ELP5: variants seen among roughly 807,000 people sequenced by gnomAD.
ELP5 encodes elongator acetyltransferase complex subunit 5.
Under a neutral mutation model 33.4 loss-of-function variants are expected in ELP5, and 34 were observed. The observed-to-expected ratio is 1.02, with a 90% CI of 0.78 to 1.36. ELP5 has a LOEUF of 1.36. Among genes scored for constraint, ELP5 ranks in the 40% most tolerant of loss-of-function variants. ELP5 has a pLI of 0.00. For missense variants in ELP5, 373 were observed against 371.7 expected (o/e 1.00, Z -0.03); for synonymous variants, 161 against 146.4 (o/e 1.10, Z -0.72).
chr17:7,252,137 C>G (rs901534331), upstream of ELP5: 2 of 353,282 alleles, frequency 5.7e-6, no homozygotes, highest in Non-Finnish European at 1.1e-5. Flanking sequence ...ATTGCGCACG[C>G]GCAGAAGGTG....
At chr17:7,258,789 G>A (rs2072141869) in intron 6 of ELP5, 37 bp from the exon 7 acceptor site, 3 of 1,614,166 alleles carry the variant, frequency 1.9e-6, no homozygotes, top group South Asian at 1.1e-5. Flanking sequence ...GGGATTCTAG[G>A]GATGGGGCAG....
intron 5 of ELP5, 117 bp downstream of exon 5, chr17:7,257,155 G>A: frequency 8.8e-7 from 1 of 1,141,564 alleles, no homozygotes; most frequent in Non-Finnish European, 1.2e-6. Flanking sequence ...AACTTTTTTA[G>A]AGATGGGGTT....
chr17:7,252,677 A>G, intron 1 of ELP5, 81 bp downstream of exon 1: 1 of 1,605,622 alleles, frequency 6.2e-7, no homozygotes, highest in Non-Finnish European at 8.5e-7. Context: ...AGGAAGGGCC[A>G]GGGGTCACAG....
In ELP5 at chr17:7,252,919, G is replaced by T. The variant is rs1255575227; in HGVS notation, c.109G>T (p.Gly37Trp). The T allele has an allele frequency of 1.9e-6, 3 of 1,614,218 alleles. No homozygotes were observed. The highest frequency in any genetic ancestry group is 2.5e-6 in the Non-Finnish European group (3 of 1,180,032). Residue 37 changes from glycine to tryptophan, a missense_variant and splice_region_variant, in exon 3 of 8, where the codon GGG becomes TGG. Transcript: ENST00000396628. ...KALVKKSALC[G>W]EQVHILGCEV... ...AATCCCTTCTCATCTCTGCCTTAGTGGGGAGCAAGTGCATATCCTGGGCTG... is the reference window on the plus strand; with the variant it reads ...AATCCCTTCTCATCTCTGCCTTAGTTGGGAGCAAGTGCATATCCTGGGCTG...
intron 7 of ELP5, 189 bp downstream of exon 7, chr17:7,259,115 C>T (rs911349945): frequency 5.5e-5 from 79 of 1,442,904 alleles, no homozygotes; most frequent in Non-Finnish European, 6.6e-5. Flanking sequence ...TCTCTTTTCT[C>T]TCCCTTATAC....
rs763723534 is a variant in ELP5, at chr17:7,252,567, T to C, written c.17T>C (p.Leu6Ser). 1 of 1,613,470 alleles carries C rather than the reference T, an allele frequency of 6.2e-7. No homozygotes were observed. The highest frequency in any genetic ancestry group is 8.5e-7 in the Non-Finnish European group (1 of 1,179,882). Residue 6 changes from leucine (L) to serine (S), a missense_variant, in exon 1 of 8, where the codon TTG (leucine) becomes TCG (serine). Coordinates refer to ENST00000396628, the MANE Select transcript of ELP5 (RefSeq NM_203414.3). ...GAGTTGGAGATGTTGGACTCGCTGT[T>C]GGCCTTGGGCGGCCTGGTGCTGCTT... MLDSLLALGGLVLLRD... is the reference protein window; with the variant it reads MLDSLSALGGLVLLRD...
intron 3 of ELP5, 43 bp downstream of exon 3, chr17:7,253,041 T>A: frequency 1.3e-6 from 2 of 1,588,498 alleles, no homozygotes; most frequent in Non-Finnish European, 1.7e-6. Context: ...TTGAGACCTA[T>A]AATGCTAAGG....
In ELP5 at chr17:7,252,365, G is replaced by A; in HGVS notation, c.-186G>A. 1.2e-6 allele frequency: 1 copy of A among 852,162 alleles called. No homozygotes were observed. Among genetic ancestry groups the A allele is most frequent in the Non-Finnish European group, 1.9e-6 (1 of 531,600 alleles). 52.8% of individuals were successfully genotyped at this position (852,162 alleles called of 1,614,324 possible). A position where few individuals can be genotyped will look rare whatever the true frequency, so the allele number is the denominator to read the frequency against. On this transcript the variant is annotated 5_prime_UTR_variant, in exon 1 of 8. Transcript: ENST00000396628. The stretch of plus-strand genomic sequence containing the variant: ...ACGACTGTGCGCCAGGGCTCGGGGA[G>A]GGGCGCCCTCCGCGTGAGCGCCCCC...
At position 7,256,838 on chromosome 17, in the gene ELP5, A is replaced by G; in HGVS notation, c.410-19A>G. The stretch of plus-strand genomic sequence containing the variant: ...ACCTGAATGCTCCCTACTATCCTAC[A>G]TTTCTTGTCCTCCTCTAGGTGACAG... On this transcript the variant is annotated intron_variant, in intron 4 of 7. Coordinates refer to ENST00000396628, the MANE Select transcript of ELP5 (RefSeq NM_203414.3). The G allele has an allele frequency of 1.9e-6, 3 of 1,613,830 alleles. No individual in the cohort carries two copies. Among genetic ancestry groups the G allele is most frequent in the Non-Finnish European group, 2.5e-6 (3 of 1,179,794 alleles).
chr17:7,255,015 T>A (rs1343344511), intron 4 of ELP5: 2 of 578,810 alleles, frequency 3.5e-6, no homozygotes, highest in Non-Finnish European at 6.1e-6. Flanking sequence ...TTTTACTCAT[T>A]TGTTTCACTC....
rs2072132889 is a variant in ELP5 at position 7,258,589 on chromosome 17, C to T, written c.593C>T (p.Thr198Ile). ...RRPRQRPTDQ[T>I]QWFSILPDFS... Reference sequence around the variant, plus strand: ...AACTCTTTTCTTTTTTCTCTCCAGACTCAGTGGTTCTCCATCCTTCCGGAC... The same window carrying T: ...AACTCTTTTCTTTTTTCTCTCCAGATTCAGTGGTTCTCCATCCTTCCGGAC... Residue 198 changes from threonine (T) to isoleucine (I), a missense_variant and splice_region_variant, in exon 6 of 8, where the codon ACT becomes ATT. By Grantham distance (89) the Thr-to-Ile change is moderately conservative. Transcript: ENST00000396628. The T allele has an allele frequency of 1.9e-6, 3 of 1,613,966 alleles. No individual in the cohort carries two copies. The highest frequency in any genetic ancestry group is 3.3e-5 in the Admixed American group (2 of 59,978).
Position 7,254,762 on chromosome 17 carries a change from G to A in ELP5, c.368G>A (p.Cys123Tyr). 1 of 1,614,058 alleles carries A rather than the reference G, an allele frequency of 6.2e-7. No homozygotes were observed. Among genetic ancestry groups the A allele is most frequent in the Non-Finnish European group, 8.5e-7 (1 of 1,180,010 alleles). ...LLLRLPCTTL[C>Y]QVLHAVSHQD... is the part of the protein sequence containing the mutation. ...CTTCGCCTTCCCTGCACCACACTCT[G>A]CCAGGTCCTGCATGCTGTGAGCCAT... Residue 123 changes from cysteine to tyrosine, a missense_variant, in exon 4 of 8, where the codon TGC becomes TAC. Transcript: ENST00000396628.
In ELP5 at chr17:7,252,933, T is replaced by C. The variant is rs370444078; in HGVS notation, c.123T>C (p.His41=). 3 of 1,614,086 alleles carry C rather than the reference T, an allele frequency of 1.9e-6. No individual in the cohort carries two copies. In the African/African-American group the frequency reaches 4.0e-5, roughly 22 times the overall value. Reference sequence around the variant, plus strand: ...TCTGCCTTAGTGGGGAGCAAGTGCATATCCTGGGCTGTGAAGTGAGCGAGG... The same window carrying C: ...TCTGCCTTAGTGGGGAGCAAGTGCACATCCTGGGCTGTGAAGTGAGCGAGG... ...KKSALCGEQV[H]ILGCEVSEEE... The change falls in exon 3 of 8, where the codon CAT becomes CAC. Residue 41 remains histidine (H), a synonymous_variant. Coordinates refer to ENST00000396628, the MANE Select transcript of ELP5 (RefSeq NM_203414.3).
At chr17:7,253,995 C>CAA (rs569972376) in intron 3 of ELP5, among the ~76,000 whole-genome samples, 10 of 80,970 alleles carry the variant, frequency 1.2e-4, no homozygotes, top group Admixed American at 7.6e-4. Flanking sequence ...AACTCTGTCT[C>CAA]AAAAAAAAAA....
chr17:7,253,299 C>A (rs2071995178), intron 3 of ELP5, among the ~76,000 whole-genome samples: 1 of 152,176 alleles, frequency 6.6e-6, no homozygotes, highest in Non-Finnish European at 1.5e-5. Context: ...ATGTACCGAG[C>A]ACCAACTATC....
chr17:7,259,124 A>G, intron 7 of ELP5, 198 bp downstream of exon 7: 1 of 1,435,738 alleles, frequency 7.0e-7, no homozygotes, highest in Non-Finnish European at 9.1e-7. Context: ...TCTCCCTTAT[A>G]CCCTTGGGTC....
At chr17:7,254,363 G>A (rs1273828070) in intron 3 of ELP5, among the ~76,000 whole-genome samples, 1 of 152,200 alleles carries the variant, frequency 6.6e-6, no homozygotes, top group African/African-American at 2.4e-5. Context: ...TCAGTTAGCT[G>A]ACCTTGGGCA....
intron 4 of ELP5, among the ~76,000 whole-genome samples, chr17:7,255,217 C>A (rs2072050347): frequency 6.6e-6 from 1 of 151,780 alleles, no homozygotes; most frequent in East Asian, 1.9e-4. Flanking sequence ...CAGGCATGCA[C>A]AGGGCACCTT....
chr17:7,258,677 A>G lies in ELP5; in HGVS notation c.681A>G (p.Ile227Met), dbSNP rs929758239. Reference sequence around the variant, plus strand: ...CCCAGCCCTACTCCGATCCTCATATACCCCCGGTATCTAAGAATGCCAAGG... The same window carrying G: ...CCCAGCCCTACTCCGATCCTCATATGCCCCCGGTATCTAAGAATGCCAAGG... ...VESQPYSDPH[I>M]PPVDPTTHLT... Residue 227 changes from isoleucine to methionine, a missense_variant, in exon 6 of 8, where the codon ATA (isoleucine) becomes ATG (methionine). Ile to Met is a conservative substitution (Grantham distance 10). Transcript: ENST00000396628. 1.2e-6 allele frequency: 2 copies of G among 1,613,782 alleles called. No homozygotes were observed. The highest frequency in any genetic ancestry group is 1.7e-5 in the Admixed American group (1 of 59,954).
Sources: allele counts gnomAD v4.1 joint callset (sites outside exome capture counted in the v4.1 genomes callset), GRCh38; gene constraint gnomAD v4.1.1; transcripts MANE v1.5; gene names NCBI Gene and HGNC (gene_info 2026-07-23, HGNC 2026-07-21).